STAC: variants seen among roughly 807,000 people sequenced by gnomAD.
STAC encodes SH3 and cysteine rich domain, also known as SH3 and cysteine-rich domain-containing protein.
STAC carries 43 observed loss-of-function variants against 48.8 expected under a neutral mutation model. The observed-to-expected ratio is 0.88, with a 90% CI of 0.69 to 1.14. The LOEUF (loss-of-function observed/expected upper bound fraction) is 1.14. Among genes scored for constraint, STAC ranks in the 50% most tolerant of loss-of-function variants. STAC has a pLI of 0.00. For missense variants in STAC, 497 were observed against 504.0 expected, an observed-to-expected ratio of 0.99 and a Z score of 0.13; for synonymous variants, 193 against 179.5, an observed-to-expected ratio of 1.07 and a Z score of -0.60.
intron 10 of STAC, among the ~76,000 whole-genome samples, chr3:36,533,902 A>C (rs1699134080): frequency 1.3e-5 from 2 of 152,162 alleles, no homozygotes; most frequent in Non-Finnish European, 2.9e-5. Flanking sequence ...CAGGTTTCTT[A>C]TATAGGCAAA....
chr3:36,503,002 G>A (rs907076971), intron 6 of STAC, among the ~76,000 whole-genome samples: 5 of 152,130 alleles, frequency 3.3e-5, no homozygotes, highest in African/African-American at 1.2e-4. Context: ...TCTGAAGCAC[G>A]TTTTCTATAT....
chr3:36,434,016 C>CTGTTGG (rs538259002), intron 1 of STAC, among the ~76,000 whole-genome samples: 216 of 152,270 alleles, frequency 1.4e-3, no homozygotes, highest in Non-Finnish European at 2.1e-3. Flanking sequence ...TGGGGTAAAA[C>CTGTTGG]TGTTGGTGAG....
At chr3:36,426,540 T>G (rs760272707) in intron 1 of STAC, among the ~76,000 whole-genome samples, 2 of 152,246 alleles carry the variant, frequency 1.3e-5, no homozygotes, top group Non-Finnish European at 2.9e-5. Context: ...CAAAGTATTC[T>G]GCATATAAAT....
chr3:36,392,172 C>T (rs1485165581), intron 1 of STAC, among the ~76,000 whole-genome samples: 1 of 152,186 alleles, frequency 6.6e-6, no homozygotes, highest in Admixed American at 6.5e-5. Context: ...CTCATAGTTT[C>T]CTCTCTGAAC....
At position 36,523,339 on chromosome 3, in the gene STAC, C is replaced by T. The variant is rs147806387; in HGVS notation, c.921-5357C>T. ...CAAAAGCAAAAGGCCAGCTGTGGTG[C>T]TCTGACCTCTTTTCACTAAAGGAAA... On this transcript the variant is annotated intron_variant, in intron 8 of 10. Coordinates refer to ENST00000273183, the MANE Select transcript of STAC (RefSeq NM_003149.3). Among the ~76,000 whole-genome samples, 14 of 152,324 alleles carry T rather than the reference C, an allele frequency of 9.2e-5. No homozygotes were observed. The South Asian group carries it at 1.9e-3, about 20-fold the overall frequency.
At chr3:36,492,141 G>A (rs191534160) in intron 5 of STAC, among the ~76,000 whole-genome samples, 29 of 138,346 alleles carry the variant, frequency 2.1e-4, no homozygotes, top group African/African-American at 5.7e-4. Flanking sequence ...GCTGGGTCAC[G>A]TGGCCCTTTG....
intron 3 of STAC, among the ~76,000 whole-genome samples, chr3:36,483,886 G>C (rs923254925): frequency 6.6e-6 from 1 of 152,192 alleles, no homozygotes; most frequent in African/African-American, 2.4e-5. Context: ...AGAAGGCAGA[G>C]GTTTCAGTAA....
chr3:36,453,177 G>C (rs980415984), intron 2 of STAC, among the ~76,000 whole-genome samples: 1 of 152,244 alleles, frequency 6.6e-6, no homozygotes, highest in Non-Finnish European at 1.5e-5. Flanking sequence ...AGGTGACAGC[G>C]TGCTGGCAGT....
chr3:36,539,299 C>A (rs1699268385), intron 10 of STAC, among the ~76,000 whole-genome samples: 1 of 152,062 alleles, frequency 6.6e-6, no homozygotes, highest in Admixed American at 6.6e-5. Context: ...TATTTCCTCA[C>A]CTAGGTATTA....
intron 6 of STAC, among the ~76,000 whole-genome samples, chr3:36,498,923 G>A (rs1203501879): frequency 1.3e-5 from 2 of 152,112 alleles, no homozygotes; most frequent in African/African-American, 4.8e-5. Context: ...AACATAAAAT[G>A]CAGTATAAAA....
intron 8 of STAC, among the ~76,000 whole-genome samples, chr3:36,527,198 T>TA (rs1323427410): frequency 6.6e-6 from 1 of 151,966 alleles, no homozygotes; most frequent in Non-Finnish European, 1.5e-5. Flanking sequence ...ATACTTGACA[T>TA]AAAAAAGAAG....
At chr3:36,530,515 CT>C (rs1443299506) in intron 10 of STAC, among the ~76,000 whole-genome samples, 1 of 150,726 alleles carries the variant, frequency 6.6e-6, no homozygotes, top group Non-Finnish European at 1.5e-5. Flanking sequence ...CCACATGTAG[CT>C]TTAACTGACT....
chr3:36,475,534 CA>C (rs1697470216), intron 2 of STAC, among the ~76,000 whole-genome samples: 1 of 152,144 alleles, frequency 6.6e-6, no homozygotes, highest in Non-Finnish European at 1.5e-5. Context: ...TATATGATGG[CA>C]GGCATTTCTG....
intron 5 of STAC, among the ~76,000 whole-genome samples, chr3:36,489,713 T>C (rs1697914978): frequency 6.6e-6 from 1 of 152,230 alleles, no homozygotes; most frequent in Admixed American, 6.5e-5. Context: ...CAGAATCCCC[T>C]GGAGAATTCT....
intron 8 of STAC, 38 bp from the exon 9 acceptor site, chr3:36,528,658 T>C: frequency 6.6e-7 from 1 of 1,523,884 alleles, no homozygotes; most frequent in Non-Finnish European, 8.8e-7. Flanking sequence ...ATTTTTCTTT[T>C]TTTTTCCTTT....
At chr3:36,406,979 A>AT (rs1424767905) in intron 1 of STAC, among the ~76,000 whole-genome samples, 1 of 152,212 alleles carries the variant, frequency 6.6e-6, no homozygotes, top group African/African-American at 2.4e-5. Context: ...AAAAGGTATG[A>AT]TCTTGGGCAA....
chr3:36,419,643 A>C (rs1194894442), intron 1 of STAC, among the ~76,000 whole-genome samples: 1 of 152,178 alleles, frequency 6.6e-6, no homozygotes, highest in East Asian at 1.9e-4. Context: ...GGCCTGACAG[A>C]AAGTTTTTTG....
At chr3:36,494,699 T>C (rs1172841989) in intron 6 of STAC, among the ~76,000 whole-genome samples, 2 of 152,174 alleles carry the variant, frequency 1.3e-5, no homozygotes, top group Non-Finnish European at 2.9e-5. Context: ...GGGTAAGGAT[T>C]CTTTGGCATC....
intron 8 of STAC, among the ~76,000 whole-genome samples, chr3:36,511,684 C>G (rs563984147): frequency 6.6e-6 from 1 of 152,188 alleles, no homozygotes; most frequent in African/African-American, 2.4e-5. Context: ...ACCAGTCACT[C>G]TCTTCACATG....
Sources: allele counts gnomAD v4.1 joint callset (sites outside exome capture counted in the v4.1 genomes callset), GRCh38; gene constraint gnomAD v4.1.1; transcripts MANE v1.5; gene names NCBI Gene and HGNC (gene_info 2026-07-23, HGNC 2026-07-21).